Variants in ARHGAP10 observed in about 807,000 individuals in gnomAD.
The protein encoded by ARHGAP10 is Rho GTPase activating protein 10, also known as rho GTPase-activating protein 10.
Under a neutral mutation model 108.6 loss-of-function variants are expected in ARHGAP10, and 87 were observed. The observed-to-expected ratio is 0.80, with a 90% confidence interval of 0.67 to 0.96. ARHGAP10 has a LOEUF of 0.96. Among genes scored for constraint, ARHGAP10 ranks in the 40% least tolerant of loss-of-function variants. The pLI is 0.00. For synonymous variants in ARHGAP10, 347 were observed against 341.1 expected (o/e 1.02, Z -0.19); for missense variants, 939 against 954.5 (o/e 0.98, Z 0.21).
chr4:147,809,956 T>A (rs1321263687), intron 1 of ARHGAP10, among the ~76,000 whole-genome samples: 1 of 152,210 alleles, frequency 6.6e-6, no homozygotes, highest in Non-Finnish European at 1.5e-5. Context: ...GTTTTTAATA[T>A]ATGCTAAATT....
At chr4:147,774,001 C>T (rs141057837) in intron 1 of ARHGAP10, among the ~76,000 whole-genome samples, 153 of 152,302 alleles carry the variant, frequency 1.0e-3, no homozygotes, top group African/African-American at 3.2e-3. Context: ...ATTCCTGGCT[C>T]TGCCACTCCA....
chr4:147,929,940 C>T (rs1560831308), intron 13 of ARHGAP10, among the ~76,000 whole-genome samples: 1 of 152,118 alleles, frequency 6.6e-6, no homozygotes. Context: ...TGCATTTGTG[C>T]ATACACATGT....
intron 1 of ARHGAP10, among the ~76,000 whole-genome samples, chr4:147,810,890 C>G (rs1194982356): frequency 6.6e-6 from 1 of 152,206 alleles, no homozygotes; most frequent in East Asian, 1.9e-4. Flanking sequence ...CTACTCTGTG[C>G]CTCATTTTGT....
chr4:147,897,073 T>C (rs1736022331), intron 10 of ARHGAP10, among the ~76,000 whole-genome samples: 1 of 152,096 alleles, frequency 6.6e-6, no homozygotes, highest in South Asian at 2.1e-4. Context: ...CCTCTAACAG[T>C]AATATAGCTA....
intron 1 of ARHGAP10, among the ~76,000 whole-genome samples, chr4:147,808,189 G>A (rs1350568831): frequency 2.0e-5 from 3 of 152,134 alleles, no homozygotes; most frequent in Non-Finnish European, 4.4e-5. Flanking sequence ...AAAGGCTGTC[G>A]GAGGTGAGCC....
intron 10 of ARHGAP10, among the ~76,000 whole-genome samples, chr4:147,895,797 G>A (rs1004010190): frequency 6.6e-6 from 1 of 152,138 alleles, no homozygotes; most frequent in South Asian, 2.1e-4. Context: ...TTTGGCAGAA[G>A]TGGTGTTATT....
chr4:148,002,317 G>A (rs1740753661), intron 18 of ARHGAP10, among the ~76,000 whole-genome samples: 1 of 152,176 alleles, frequency 6.6e-6, no homozygotes, highest in Admixed American at 6.5e-5. Flanking sequence ...CGGTTTGCCA[G>A]TATTTTATTG....
At chr4:147,840,353 C>T (rs1733361692) in intron 3 of ARHGAP10, among the ~76,000 whole-genome samples, 1 of 152,100 alleles carries the variant, frequency 6.6e-6, no homozygotes, top group Non-Finnish European at 1.5e-5. Context: ...TATTTAAAGA[C>T]AGCTTTCATG....
intron 1 of ARHGAP10, among the ~76,000 whole-genome samples, chr4:147,756,771 A>G (rs1449278159): frequency 6.6e-6 from 1 of 152,026 alleles, no homozygotes; most frequent in African/African-American, 2.4e-5. Context: ...GGGGACCACT[A>G]TATTGTTATT....
At chr4:147,986,794 C>T (rs1260516644) in intron 18 of ARHGAP10, among the ~76,000 whole-genome samples, 2 of 152,174 alleles carry the variant, frequency 1.3e-5, no homozygotes, top group Non-Finnish European at 2.9e-5. Flanking sequence ...TTACTTTCAT[C>T]CCTGCTTTAC....
chr4:147,931,659 A>G (rs1273946654), intron 13 of ARHGAP10, among the ~76,000 whole-genome samples: 1 of 152,226 alleles, frequency 6.6e-6, no homozygotes, highest in Non-Finnish European at 1.5e-5. Flanking sequence ...AGAAGGTGGA[A>G]TACAGGTTCA....
rs111677127 is a variant in ARHGAP10, at chr4:147,983,767, A to G, written c.1716+16928A>G. 4.5e-3 allele frequency among the ~76,000 whole-genome samples: 677 copies of G among 152,084 alleles called. 5 individuals carry two copies. The highest frequency in any genetic ancestry group is 0.015 in the African/African-American group (643 of 41,506). Reference sequence around the variant, plus strand: ...TTTGATCTTGTTGCATTTCTTTGCTATCCATATCCTGGATTCTTTATATGT... The same window carrying G: ...TTTGATCTTGTTGCATTTCTTTGCTGTCCATATCCTGGATTCTTTATATGT... On this transcript the variant is annotated intron_variant, in intron 18 of 22. Transcript: ENST00000336498.
intron 1 of ARHGAP10, chr4:147,745,344 C>G (rs1728865409): frequency 6.6e-6 from 1 of 152,248 alleles, no homozygotes; most frequent in Non-Finnish European, 1.5e-5. Context: ...ACCCTGTCTT[C>G]AAGCAGGCTT....
intron 13 of ARHGAP10, among the ~76,000 whole-genome samples, chr4:147,935,120 G>A (rs1022916063): frequency 1.3e-5 from 2 of 152,196 alleles, no homozygotes; most frequent in Non-Finnish European, 2.9e-5. Flanking sequence ...CGCAGAGGAT[G>A]CAATGAACTT....
At chr4:147,860,435 A>AAAAACAAAAC (rs112437404) in intron 5 of ARHGAP10, among the ~76,000 whole-genome samples, 69 of 151,910 alleles carry the variant, frequency 4.5e-4, no homozygotes, top group African/African-American at 1.0e-3. Flanking sequence ...GCTCCGTCTC[A>AAAAACAAAAC]AAAACAAAAC....
intron 1 of ARHGAP10, among the ~76,000 whole-genome samples, chr4:147,814,576 G>A (rs79893746): frequency 0.011 from 1,628 of 152,250 alleles, 25 homozygotes; most frequent in African/African-American, 0.037. Context: ...ACATGTGGGA[G>A]TGTTTTTCTT....
intron 18 of ARHGAP10, among the ~76,000 whole-genome samples, chr4:147,973,260 C>T (rs1466708526): frequency 6.6e-6 from 1 of 152,198 alleles, no homozygotes; most frequent in Non-Finnish European, 1.5e-5. Context: ...TTACATGGCT[C>T]ACTGGTCACC....
chr4:148,004,787 G>T (rs986186315), intron 18 of ARHGAP10, among the ~76,000 whole-genome samples: 10 of 152,224 alleles, frequency 6.6e-5, no homozygotes, highest in African/African-American at 2.2e-4. Flanking sequence ...TTATAGCTTT[G>T]TGGGCTGAGG....
chr4:148,031,078 A>T (rs1030498926), intron 19 of ARHGAP10, among the ~76,000 whole-genome samples: 1 of 152,138 alleles, frequency 6.6e-6, no homozygotes, highest in Non-Finnish European at 1.5e-5. Context: ...CAACAAAAAA[A>T]TGAATTTTGA....
Sources: allele counts gnomAD v4.1 joint callset (sites outside exome capture counted in the v4.1 genomes callset), GRCh38; gene constraint gnomAD v4.1.1; transcripts MANE v1.5; gene names NCBI Gene and HGNC (gene_info 2026-07-23, HGNC 2026-07-21).